Variants in CFAP69 observed in about 807,000 individuals in gnomAD.
CFAP69 encodes the protein cilia and flagella associated protein 69.
In CFAP69, 92 loss-of-function variants were observed where a neutral mutation model predicts 123.0. The observed-to-expected ratio is 0.75, with a 90% CI of 0.63 to 0.89. The LOEUF (loss-of-function observed/expected upper bound fraction) is 0.89. Ranked by LOEUF, CFAP69 falls within the 40% of genes least tolerant of loss-of-function variation. The pLI is 0.00. For missense variants in CFAP69, 1,067 were observed against 1,096.9 expected, an observed-to-expected ratio of 0.97 and a Z score of 0.39; for synonymous variants, 380 against 364.3, an observed-to-expected ratio of 1.04 and a Z score of -0.49.
In CFAP69 at chr7:90,297,836, T is replaced by C. The variant is rs777864357; in HGVS notation, c.1857+6T>C. The C allele has an allele frequency of 5.1e-6, 8 of 1,555,672 alleles. No individual in the cohort carries two copies. In the African/African-American group the frequency reaches 1.1e-4, roughly 22 times the overall value. On this transcript the variant is annotated splice_donor_region_variant and intron_variant, in intron 16 of 22. Transcript: ENST00000389297. ...TCCTTTTGGATTTGTTAGCAGTAAG[T>C]ATGGCTATAACAATCATAAGACAAA...
rs375320989 is a variant in CFAP69 at position 90,262,062 on chromosome 7, T to C, written c.356+6T>C. The C allele has an allele frequency of 1.3e-6, 2 of 1,501,992 alleles. No homozygotes were observed. The highest frequency in any genetic ancestry group is 1.8e-6 in the Non-Finnish European group (2 of 1,095,918). 93.0% of individuals were successfully genotyped at this position (1,501,992 alleles called of 1,614,324 possible). A position where few individuals can be genotyped will look rare whatever the true frequency, so the allele number is the denominator to read the frequency against. Reference sequence around the variant, plus strand: ...GATATCATAAAACTGTGTGGGTAAGTTATCTTTCTTTAACTTTATTTTGTA... The same window carrying C: ...GATATCATAAAACTGTGTGGGTAAGCTATCTTTCTTTAACTTTATTTTGTA... On this transcript the variant is annotated splice_donor_region_variant and intron_variant, in intron 4 of 22. Coordinates refer to ENST00000389297, the MANE Select transcript of CFAP69 (RefSeq NM_001039706.3).
intron 1 of CFAP69, among the ~76,000 whole-genome samples, chr7:90,250,225 AGAGAGAGAGAC>A (rs1562832552): frequency 6.6e-5 from 8 of 121,774 alleles, no homozygotes; most frequent in Non-Finnish European, 1.0e-4. Context: ...AGAGAGAGAG[AGAGAGAGAGAC>A]TCCTTGGTTG....
intron 6 of CFAP69, among the ~76,000 whole-genome samples, chr7:90,269,315 A>G (rs1799625352): frequency 6.6e-6 from 1 of 152,156 alleles, no homozygotes; most frequent in Admixed American, 6.6e-5. Context: ...AGAGTTGAAA[A>G]TTGAAGCCAC....
At chr7:90,250,397 A>G (rs17867067) in intron 1 of CFAP69, among the ~76,000 whole-genome samples, 6,963 of 152,200 alleles carry the variant, frequency 0.046, 215 homozygotes, top group South Asian at 0.11. Flanking sequence ...TAATAGTGCT[A>G]CCTTTACTTG....
At chr7:90,311,542 A>G (rs1381132699), downstream of CFAP69, among the ~76,000 whole-genome samples, 1 of 152,180 alleles carries the variant, frequency 6.6e-6, no homozygotes, top group Non-Finnish European at 1.5e-5. Flanking sequence ...AGGTTCTTTC[A>G]TTATTAGATA....
chr7:90,300,018 A>G lies in CFAP69; in HGVS notation c.2009A>G (p.Lys670Arg), dbSNP rs762356979. 3.1e-5 allele frequency: 50 copies of G among 1,608,170 alleles called. No homozygotes were observed. The highest frequency in any genetic ancestry group is 3.8e-5 in the Non-Finnish European group (45 of 1,177,618). Residue 670 changes from lysine to arginine, a missense_variant, in exon 17 of 23, where the codon AAA (lysine) becomes AGA (arginine). Transcript: ENST00000389297. ...LLIKLWRKEE[K>R]ELGVKRDKNG... ...ATTAAATTGTGGAGAAAGGAGGAAA[A>G]AGAACTAGGAGTAAAACGTGATAAA...
chr7:90,299,810 G>A (rs1792512738), intron 16 of CFAP69, 57 bp from the exon 17 acceptor site: 2 of 1,245,748 alleles, frequency 1.6e-6, no homozygotes, highest in Admixed American at 2.9e-5. Flanking sequence ...TTTTTTTGAA[G>A]ACAATAATTC....
chr7:90,264,672 A>T (rs1408330352), intron 4 of CFAP69, among the ~76,000 whole-genome samples: 1 of 152,100 alleles, frequency 6.6e-6, no homozygotes, highest in Non-Finnish European at 1.5e-5. Context: ...AGGGTTCCTA[A>T]GTTTTTTTAT....
intron 3 of CFAP69, among the ~76,000 whole-genome samples, chr7:90,258,977 C>T (rs1056362634): frequency 2.6e-5 from 4 of 152,136 alleles, no homozygotes; most frequent in Non-Finnish European, 2.9e-5. Context: ...GTAATAGAAG[C>T]TCATGAGGTT....
At chr7:90,277,424 G>A (rs564012420) in intron 11 of CFAP69, 90 bp downstream of exon 11, 58 of 1,105,900 alleles carry the variant, frequency 5.2e-5, no homozygotes, top group South Asian at 2.7e-4. Flanking sequence ...ATATTTTATC[G>A]GTTCATATAT....
chr7:90,298,693 TTAAA>T (rs1223253821), intron 16 of CFAP69, among the ~76,000 whole-genome samples: 35 of 152,302 alleles, frequency 2.3e-4, no homozygotes, highest in African/African-American at 7.2e-4. Context: ...GTTGGAAGGA[TTAAA>T]TGAGTGATTG....
chr7:90,290,631 G>T (rs912177037), intron 15 of CFAP69, among the ~76,000 whole-genome samples: 4 of 152,174 alleles, frequency 2.6e-5, no homozygotes, highest in Non-Finnish European at 5.9e-5. Flanking sequence ...AATGGGAGGA[G>T]CAAAGCTGAT....
At chr7:90,301,862 G>C (rs981831155) in intron 17 of CFAP69, 5 of 152,130 alleles carry the variant, frequency 3.3e-5, no homozygotes, top group African/African-American at 1.2e-4. Flanking sequence ...TTGCTGGGTC[G>C]AATAGTAGTT....
intron 17 of CFAP69, chr7:90,300,898 ACCTCAG>A (rs1481766757): frequency 6.6e-6 from 1 of 151,706 alleles, no homozygotes; most frequent in Non-Finnish European, 1.5e-5. Flanking sequence ...CGATCCACTC[ACCTCAG>A]CCTCTGCCAA....
intron 3 of CFAP69, among the ~76,000 whole-genome samples, chr7:90,261,165 C>T (rs775816131): frequency 2.6e-5 from 4 of 151,772 alleles, no homozygotes; most frequent in African/African-American, 4.9e-5. Flanking sequence ...CTGCAATCTC[C>T]GCCTCCCGGC....
rs772371969 is a variant in CFAP69 at position 90,310,251 on chromosome 7, A to G, written c.*13A>G. ...TATTCCTACGTAATATACTATAGAGACTTTTTGAAATAAAGTCAGCTTATA... is the reference window on the plus strand; with the variant it reads ...TATTCCTACGTAATATACTATAGAGGCTTTTTGAAATAAAGTCAGCTTATA... On this transcript the variant is annotated 3_prime_UTR_variant, in exon 23 of 23. Coordinates refer to ENST00000389297, the MANE Select transcript of CFAP69 (RefSeq NM_001039706.3). 1.0e-5 allele frequency: 16 copies of G among 1,568,982 alleles called. No homozygotes were observed. The African/African-American group carries it at 1.6e-4, about 16-fold the overall frequency.
intron 19 of CFAP69, 68 bp from the exon 20 acceptor site, chr7:90,306,833 T>G: frequency 1.1e-6 from 1 of 944,998 alleles, no homozygotes; most frequent in Non-Finnish European, 1.6e-6. Context: ...ATATAAAAAA[T>G]TGTATAATTG....
chr7:90,287,587 A>AG (rs1454247046), intron 14 of CFAP69: 1 of 985,260 alleles, frequency 1.0e-6, no homozygotes, highest in Non-Finnish European at 1.2e-6. Flanking sequence ...AAACAAAAAA[A>AG]TGATGGTTTC....
At position 90,258,147 on chromosome 7, in the gene CFAP69, G is replaced by A. The variant is rs780894206; in HGVS notation, c.230G>A (p.Cys77Tyr). 3.1e-6 allele frequency: 5 copies of A among 1,608,700 alleles called. No individual in the cohort carries two copies. In the South Asian group the frequency reaches 3.3e-5, roughly 11 times the overall value. Residue 77 changes from cysteine to tyrosine, a missense_variant, in exon 3 of 23, where the codon TGT (cysteine) becomes TAT (tyrosine). Physicochemically the swap from Cys to Tyr is radical, Grantham distance 194 (BLOSUM62 -2). Transcript: ENST00000389297. Reference sequence around the variant, plus strand: ...AAATTTGTCAAGAAACTGGTACAGTGTTATCAGAATGGACTTGTATCCTTT... The same window carrying A: ...AAATTTGTCAAGAAACTGGTACAGTATTATCAGAATGGACTTGTATCCTTT... ...QLKFVKKLVQ[C>Y]YQNGLPLRDL...
Sources: allele counts gnomAD v4.1 joint callset (sites outside exome capture counted in the v4.1 genomes callset), GRCh38; gene constraint gnomAD v4.1.1; transcripts MANE v1.5; gene names NCBI Gene and HGNC (gene_info 2026-07-23, HGNC 2026-07-21).